Variants in PCDHGA8 observed in about 807,000 individuals in gnomAD.
PCDHGA8 encodes the protein protocadherin gamma subfamily A, 8.
Under a neutral mutation model 59.2 loss-of-function variants are expected in PCDHGA8, and 45 were observed. That is an observed-to-expected ratio of 0.76 (90% CI 0.60 to 0.98). The LOEUF is 0.98. Ranked by LOEUF, PCDHGA8 falls within the 50% of genes least tolerant of loss-of-function variation. The probability of loss-of-function intolerance (pLI) is 0.00; values close to 1 mark genes in which losing one functional copy is unlikely to be tolerated. For missense variants in PCDHGA8, 1,257 were observed against 1,196.2 expected, an observed-to-expected ratio of 1.05 and a Z score of -0.75; for synonymous variants, 531 against 519.0, an observed-to-expected ratio of 1.02 and a Z score of -0.32.
chr5:141,439,445 G>T (rs1030957687), intron 1 of PCDHGA8, among the ~76,000 whole-genome samples: 1 of 152,102 alleles, frequency 6.6e-6, no homozygotes, highest in Non-Finnish European at 1.5e-5. Context: ...ATTTTATTGC[G>T]GGAGCAAGAC....
At chr5:141,409,437 G>A in intron 1 of PCDHGA8, 1 of 1,613,968 alleles carries the variant, frequency 6.2e-7, no homozygotes, top group Non-Finnish European at 8.5e-7. Context: ...GCCCTGGACC[G>A]AGAGCAGACA....
At chr5:141,401,610 A>AC (rs1186420148) in intron 1 of PCDHGA8, among the ~76,000 whole-genome samples, 1 of 152,212 alleles carries the variant, frequency 6.6e-6, no homozygotes, top group Non-Finnish European at 1.5e-5. Flanking sequence ...GGAAAAAGAC[A>AC]CCGGATTTGT....
At chr5:141,472,010 C>T (rs1305786275) in intron 1 of PCDHGA8, among the ~76,000 whole-genome samples, 1 of 151,978 alleles carries the variant, frequency 6.6e-6, no homozygotes, top group Non-Finnish European at 1.5e-5. Flanking sequence ...CGTATAGGGG[C>T]ACTATATTGT....
intron 3 of PCDHGA8, among the ~76,000 whole-genome samples, chr5:141,509,065 T>A (rs1294546432): frequency 6.6e-6 from 1 of 152,018 alleles, no homozygotes; most frequent in Non-Finnish European, 1.5e-5. Context: ...AGCTCTCAGC[T>A]CCGGGGATTT....
chr5:141,489,040 C>G lies in PCDHGA8; in HGVS notation c.2425-5767C>G. On this transcript the variant is annotated intron_variant, in intron 1 of 3. Coordinates refer to ENST00000398604, the MANE Select transcript of PCDHGA8 (RefSeq NM_032088.2). This position sits in a 1 kb window ranked among gnomAD's most constrained non-coding sequence, Gnocchi z 4.5. ...CCTCTCCTCCTCCAGCTCCCCAGCT[C>G]CACTCAAATTCAGCTCCCCTCCCCC... 1 of 479,752 alleles carries G rather than the reference C, an allele frequency of 2.1e-6. No homozygotes were observed. The highest frequency in any genetic ancestry group is 3.6e-6 in the Non-Finnish European group (1 of 274,204). 29.7% of individuals were successfully genotyped at this position (479,752 alleles called of 1,614,324 possible). A position where few individuals can be genotyped will look rare whatever the true frequency, so the allele number is the denominator to read the frequency against.
chr5:141,505,418 A>T lies in PCDHGA8; in HGVS notation c.2509A>T (p.Thr837Ser). 1 of 1,614,186 alleles carries T rather than the reference A, an allele frequency of 6.2e-7. No homozygotes were observed. Among genetic ancestry groups the T allele is most frequent in the East Asian group, 2.2e-5 (1 of 44,876 alleles). The change falls in exon 3 of 4, where the codon ACC becomes TCC. Residue 837 changes from threonine to serine, a missense_variant. By Grantham distance (58) the Thr-to-Ser change is moderately conservative. Coordinates refer to ENST00000398604, the MANE Select transcript of PCDHGA8 (RefSeq NM_032088.2). ...SGSQNGDDTG[T>S]WPNNQFDTEM... ...CTCCCAAAATGGCGATGACACCGGC[A>T]CCTGGCCCAACAACCAGTTTGACAC...
chr5:141,399,755 G>A (rs1420211451), intron 1 of PCDHGA8: 1 of 1,613,232 alleles, frequency 6.2e-7, no homozygotes, highest in African/African-American at 1.3e-5. Context: ...GCAAACGTGA[G>A]CCTGCGCGTG....
intron 1 of PCDHGA8, chr5:141,405,547 G>A (rs2094685057): frequency 1.6e-6 from 1 of 629,986 alleles, no homozygotes; most frequent in Non-Finnish European, 2.7e-6. Context: ...AGCCTCCCAA[G>A]TAGAGTAGCT....
intron 1 of PCDHGA8, chr5:141,408,855 G>A: frequency 6.2e-7 from 1 of 1,613,572 alleles, no homozygotes; most frequent in Non-Finnish European, 8.5e-7. Flanking sequence ...TTGGACGGAG[G>A]GGACCCACCA....
chr5:141,447,658 A>C (rs114314834), intron 1 of PCDHGA8, among the ~76,000 whole-genome samples: 3,576 of 152,302 alleles, frequency 0.023, 90 homozygotes, highest in Non-Finnish European at 0.03. Context: ...TTTCCCCCCC[A>C]GGAAGTTAGA....
chr5:141,487,377 C>G lies in PCDHGA8; in HGVS notation c.2425-7430C>G, dbSNP rs758216933. On this transcript the variant is annotated intron_variant, in intron 1 of 3. Coordinates refer to ENST00000398604, the MANE Select transcript of PCDHGA8 (RefSeq NM_032088.2). This position sits in a 1 kb window ranked among gnomAD's most constrained non-coding sequence, Gnocchi z 5.0. ...CCTGCTGGCACCTGTGCCTGTCTCA[C>G]CAGATCTCGAAGGAGGGAGGGGCTT... 6.2e-7 allele frequency: 1 copy of G among 1,614,190 alleles called. No individual in the cohort carries two copies. The highest frequency in any genetic ancestry group is 1.1e-5 in the South Asian group (1 of 91,086).
At chr5:141,481,327 T>C (rs2099535776) in intron 1 of PCDHGA8, among the ~76,000 whole-genome samples, 1 of 152,244 alleles carries the variant, frequency 6.6e-6, no homozygotes, top group Non-Finnish European at 1.5e-5. Context: ...CACTAGCCCC[T>C]GGACAACTAT....
intron 1 of PCDHGA8, among the ~76,000 whole-genome samples, chr5:141,460,221 C>T (rs931609262): frequency 3.4e-4 from 51 of 151,918 alleles, no homozygotes; most frequent in African/African-American, 1.2e-3. Flanking sequence ...TTAGTTGTGT[C>T]TTTTGAAGAG....
chr5:141,399,656 T>C, intron 1 of PCDHGA8: 1 of 1,613,694 alleles, frequency 6.2e-7, no homozygotes, highest in Non-Finnish European at 8.5e-7. Context: ...AGTGGGGTGG[T>C]GTTCGCGCAG....
intron 1 of PCDHGA8, among the ~76,000 whole-genome samples, chr5:141,447,779 A>T (rs770299374): frequency 2.0e-5 from 3 of 152,210 alleles, no homozygotes; most frequent in Non-Finnish European, 4.4e-5. Flanking sequence ...ACTTTAATTG[A>T]AAATAAATTT....
chr5:141,459,311 T>A (rs1298312167), intron 1 of PCDHGA8, among the ~76,000 whole-genome samples: 1 of 152,250 alleles, frequency 6.6e-6, no homozygotes, highest in Non-Finnish European at 1.5e-5. Flanking sequence ...TATACTATTT[T>A]GTATCCATCT....
rs752401867 is a variant in PCDHGA8, at chr5:141,511,224, G to A, written c.*51G>A. On this transcript the variant is annotated 3_prime_UTR_variant, in exon 4 of 4. Transcript: ENST00000398604. ...GGGCGGCCTCTCCCCAACCAGCCCA[G>A]CTTCTCCTTACCTGCACCCAGGCCT... 1.2e-6 allele frequency: 2 copies of A among 1,603,276 alleles called. No homozygotes were observed.
chr5:141,395,483 AT>A lies in PCDHGA8; in HGVS notation c.2424+248del, dbSNP rs2093238640. ...TTAAGCCTTCCAGTATTTTATTCCT[AT>A]TATCACTCATTCACTTAAGAAGTAG... On this transcript the variant is annotated intron_variant, in intron 1 of 3. Transcript: ENST00000398604. The A allele has an allele frequency of 5.8e-6, 3 of 512,838 alleles. No individual in the cohort carries two copies. The South Asian group carries it at 8.4e-5, about 14-fold the overall frequency. The allele number at this position is 512,838 out of a possible 1,614,324, so 31.8% of individuals were successfully genotyped here.
At chr5:141,504,269 A>T (rs7715517) in intron 2 of PCDHGA8, among the ~76,000 whole-genome samples, 3,100 of 152,246 alleles carry the variant, frequency 0.02, 113 homozygotes, top group African/African-American at 0.07. Context: ...GTATTTTTTT[A>T]AATTATGAAT....
Sources: allele counts gnomAD v4.1 joint callset (sites outside exome capture counted in the v4.1 genomes callset), GRCh38; gene constraint gnomAD v4.1.1; non-coding constraint Gnocchi (gnomAD v3.1); transcripts MANE v1.5; gene names NCBI Gene and HGNC (gene_info 2026-07-23, HGNC 2026-07-21).